NELL1: variants seen among roughly 807,000 people sequenced by gnomAD.
NELL1 encodes protein kinase C-binding protein NELL1.
In NELL1, 76 loss-of-function variants were observed where a neutral mutation model predicts 107.4. That is an observed-to-expected ratio of 0.71 (90% confidence interval 0.59 to 0.86). The LOEUF is 0.86. Ranked by LOEUF, NELL1 falls within the 40% of genes least tolerant of loss-of-function variation. NELL1 has a pLI of 0.00. For missense variants in NELL1, 1,024 were observed against 1,005.5 expected, an observed-to-expected ratio of 1.02 and a Z score of -0.25; for synonymous variants, 353 against 341.2, an observed-to-expected ratio of 1.03 and a Z score of -0.38.
At chr11:20,720,064 G>C (rs1433316768) in intron 2 of NELL1, among the ~76,000 whole-genome samples, 2 of 152,150 alleles carry the variant, frequency 1.3e-5, no homozygotes, top group Non-Finnish European at 2.9e-5. Flanking sequence ...GATTTAATTG[G>C]CCTGCCCAAA....
intron 18 of NELL1, among the ~76,000 whole-genome samples, chr11:21,572,844 G>C (rs760086284): frequency 1.7e-4 from 26 of 151,830 alleles, no homozygotes; most frequent in Non-Finnish European, 2.7e-4. Context: ...ATGATGGAGA[G>C]AAAGTAACAA....
chr11:21,263,645 G>A (rs948685475), intron 14 of NELL1, among the ~76,000 whole-genome samples: 2 of 151,910 alleles, frequency 1.3e-5, no homozygotes, highest in Non-Finnish European at 2.9e-5. Context: ...GAGGAACCAG[G>A]TGTATACCTA....
chr11:21,391,209 C>G (rs35820240), intron 15 of NELL1, among the ~76,000 whole-genome samples: 21,299 of 151,640 alleles, frequency 0.14, 1,674 homozygotes, highest in South Asian at 0.22. Context: ...TTTTTTAGTA[C>G]AACTTTTGAG....
Position 21,336,666 on chromosome 11 carries a change from T to TACACAC in NELL1, c.1550-34186_1550-34185insCACACA, listed in dbSNP as rs200642265. Among the ~76,000 whole-genome samples, 19 of 52,638 alleles carry TACACAC rather than the reference T, an allele frequency of 3.6e-4. No individual in the cohort carries two copies. The East Asian group carries it at 5.0e-3, about 14-fold the overall frequency. The allele number at this position is 52,638 out of a possible 152,430, so 34.5% of individuals were successfully genotyped here. On this transcript the variant is annotated intron_variant, in intron 14 of 19. Coordinates refer to ENST00000357134, the MANE Select transcript of NELL1 (RefSeq NM_006157.5). ...ATATGTGTGTGTATATATATATATA[T>TACACAC]ATATATATACACACACACACACACA...
chr11:20,935,282 C>A (rs1202538903), intron 9 of NELL1, among the ~76,000 whole-genome samples: 1 of 152,090 alleles, frequency 6.6e-6, no homozygotes, highest in African/African-American at 2.4e-5. Flanking sequence ...GGACGATTAA[C>A]CAGTGTTAAA....
chr11:20,847,815 A>T, intron 4 of NELL1, 62 bp downstream of exon 4: 1 of 1,480,324 alleles, frequency 6.8e-7, no homozygotes, highest in Non-Finnish European at 9.1e-7. Flanking sequence ...GGAAAAGGGG[A>T]AAAAATATCA....
At chr11:21,268,027 A>G (rs1848668947) in intron 14 of NELL1, among the ~76,000 whole-genome samples, 1 of 151,708 alleles carries the variant, frequency 6.6e-6, no homozygotes, top group South Asian at 2.1e-4. Context: ...TTTGTCTTTT[A>G]GTTAGAAAAT....
chr11:21,563,490 T>C (rs1856898181), intron 17 of NELL1, among the ~76,000 whole-genome samples: 1 of 152,030 alleles, frequency 6.6e-6, no homozygotes, highest in Admixed American at 6.6e-5. Context: ...GGTTCCACAT[T>C]CTTGGATTCA....
Position 21,030,270 on chromosome 11 carries a change from A to G in NELL1, c.1300+69710A>G, listed in dbSNP as rs1852920420. On this transcript the variant is annotated intron_variant, in intron 12 of 19. Coordinates refer to ENST00000357134, the MANE Select transcript of NELL1 (RefSeq NM_006157.5). Reference sequence around the variant, plus strand: ...AAGGGTCCCTGATTCTTCCTGGTTCAGGTTAAAGCCTTGTCACATTGAGAA... The same window carrying G: ...AAGGGTCCCTGATTCTTCCTGGTTCGGGTTAAAGCCTTGTCACATTGAGAA... 2.0e-5 allele frequency among the ~76,000 whole-genome samples: 3 copies of G among 152,196 alleles called. No homozygotes were observed. In the South Asian group the frequency reaches 6.2e-4, roughly 32 times the overall value.
intron 13 of NELL1, among the ~76,000 whole-genome samples, chr11:21,165,944 G>A (rs1030353924): frequency 4.6e-5 from 7 of 151,104 alleles, no homozygotes; most frequent in South Asian, 4.2e-4. Context: ...TAGTAGAGAC[G>A]GGGTTTCACC....
intron 3 of NELL1, among the ~76,000 whole-genome samples, chr11:20,792,114 T>G (rs1857087509): frequency 6.6e-6 from 1 of 152,100 alleles, no homozygotes; most frequent in Admixed American, 6.5e-5. Context: ...ATATCTTTCT[T>G]TTGAGTTTTA....
At chr11:20,965,778 GGGAAAGT>G (rs903864564) in intron 12 of NELL1, among the ~76,000 whole-genome samples, 4 of 152,112 alleles carry the variant, frequency 2.6e-5, no homozygotes, top group African/African-American at 9.7e-5. Flanking sequence ...GTAAGAGGCT[GGGAAAGT>G]GGTAGAGAGA....
At chr11:20,931,134 T>C (rs1380500952) in intron 9 of NELL1, among the ~76,000 whole-genome samples, 1 of 151,788 alleles carries the variant, frequency 6.6e-6, no homozygotes, top group Non-Finnish European at 1.5e-5. Context: ...ACTTTCAAGG[T>C]AGAGACGTGG....
chr11:21,297,147 A>G (rs6483762), intron 14 of NELL1, among the ~76,000 whole-genome samples: 138,253 of 151,858 alleles, frequency 0.91, 63,200 homozygotes, highest in Non-Finnish European at 0.95. Context: ...AAGTTATTGC[A>G]AAGAAATCTA....
At chr11:20,701,591 T>C (rs1333802717) in intron 2 of NELL1, among the ~76,000 whole-genome samples, 3 of 152,198 alleles carry the variant, frequency 2.0e-5, no homozygotes, top group Non-Finnish European at 4.4e-5. Flanking sequence ...CCCATGCCTA[T>C]GTCCTGAATG....
intron 2 of NELL1, among the ~76,000 whole-genome samples, chr11:20,758,323 T>C (rs541959970): frequency 2.3e-4 from 35 of 152,298 alleles, no homozygotes; most frequent in Middle Eastern, 3.4e-3. Flanking sequence ...TGATTCAGAA[T>C]GTGTCCTGTG....
At chr11:20,744,781 A>G (rs1855967088) in intron 2 of NELL1, among the ~76,000 whole-genome samples, 1 of 152,204 alleles carries the variant, frequency 6.6e-6, no homozygotes. Flanking sequence ...GGGCCATGGT[A>G]ATATGTTCTG....
intron 12 of NELL1, among the ~76,000 whole-genome samples, chr11:21,073,562 T>G (rs1313231603): frequency 6.6e-6 from 1 of 152,178 alleles, no homozygotes; most frequent in Non-Finnish European, 1.5e-5. Flanking sequence ...AAGACCTTGA[T>G]GCTTAAAGCC....
intron 15 of NELL1, among the ~76,000 whole-genome samples, chr11:21,392,799 T>G (rs1851907273): frequency 6.6e-6 from 1 of 151,762 alleles, no homozygotes; most frequent in South Asian, 2.1e-4. Flanking sequence ...ATTTACTCTT[T>G]ACAAAAATTT....
Sources: allele counts gnomAD v4.1 joint callset (sites outside exome capture counted in the v4.1 genomes callset), GRCh38; gene constraint gnomAD v4.1.1; transcripts MANE v1.5; gene names NCBI Gene and HGNC (gene_info 2026-07-23, HGNC 2026-07-21).